SFXN1: variants seen among roughly 807,000 people sequenced by gnomAD.
SFXN1 encodes the protein sideroflexin-1.
Under a neutral mutation model 39.5 loss-of-function variants are expected in SFXN1, and 32 were observed. The ratio of observed to expected loss-of-function variants is 0.81; its 90% CI spans 0.61 to 1.09. The LOEUF is 1.09. SFXN1 is among the 50% of genes least tolerant of loss of function. SFXN1 has a pLI of 0.00. For missense variants in SFXN1, 402 were observed against 407.1 expected, an observed-to-expected ratio of 0.99 and a Z score of 0.11; for synonymous variants, 136 against 146.5, an observed-to-expected ratio of 0.93 and a Z score of 0.52.
intron 1 of SFXN1, among the ~76,000 whole-genome samples, chr5:175,485,762 G>C (rs267389): frequency 0.56 from 85,538 of 151,992 alleles, 24,467 homozygotes; most frequent in Non-Finnish European, 0.61. Flanking sequence ...GGCGCTTCCA[G>C]TGCCAGGATT....
intron 2 of SFXN1, among the ~76,000 whole-genome samples, chr5:175,504,178 G>A (rs1177979646): frequency 2.0e-5 from 3 of 152,074 alleles, no homozygotes; most frequent in East Asian, 3.9e-4. Flanking sequence ...TTAACTGTTC[G>A]AAGTTTCCAA....
Position 175,513,482 on chromosome 5 carries a change from C to T in SFXN1, c.616C>T (p.Pro206Ser), listed in dbSNP as rs1398538116. ...CTGCAGGGAACTCAAAGTTGGCATTCCCGTCACGGATGAGAATGGGAACCG... is the reference window on the plus strand; with the variant it reads ...CTGCAGGGAACTCAAAGTTGGCATTTCCGTCACGGATGAGAATGGGAACCG... ...MRQRELKVGI[P>S]VTDENGNRLG... Residue 206 changes from proline to serine, a missense_variant, in exon 7 of 11, where the codon CCC (proline) becomes TCC (serine). Coordinates refer to ENST00000321442, the MANE Select transcript of SFXN1 (RefSeq NM_022754.7). The T allele has an allele frequency of 6.2e-7, 1 of 1,613,688 alleles. No homozygotes were observed. The highest frequency in any genetic ancestry group is 8.5e-7 in the Non-Finnish European group (1 of 1,179,896).
intron 2 of SFXN1, among the ~76,000 whole-genome samples, chr5:175,495,372 G>T (rs1414484180): frequency 2.0e-5 from 3 of 152,194 alleles, no homozygotes; most frequent in Non-Finnish European, 1.5e-5. Context: ...TCTAGACATG[G>T]ATAGTGGTGA....
rs139798269 is a variant in SFXN1 at position 175,524,388 on chromosome 5, A to G, written c.872+1966A>G. On this transcript the variant is annotated intron_variant, in intron 10 of 10. Transcript: ENST00000321442. ...TTATTCAGTGTCAGAACTAAGATTC[A>G]TCTACATTATTGTGTGTACCTATAG... Among the ~76,000 whole-genome samples the G allele has an allele frequency of 2.6e-3, 389 of 151,632 alleles. 1 individual carries two copies. Among genetic ancestry groups the G allele is most frequent in the African/African-American group, 9.0e-3 (374 of 41,476 alleles).
rs1386127734 is a variant in SFXN1, at chr5:175,513,511, G to A, written c.645G>A (p.Leu215=). The A allele has an allele frequency of 1.2e-6, 2 of 1,613,792 alleles. No individual in the cohort carries two copies. Among genetic ancestry groups the A allele is most frequent in the African/African-American group, 1.3e-5 (1 of 74,884 alleles). The change falls in exon 7 of 11, where the codon TTG becomes TTA. Residue 215 remains leucine, a synonymous_variant. Transcript: ENST00000321442. The stretch of plus-strand genomic sequence containing the variant: ...TCACGGATGAGAATGGGAACCGCTT[G>A]GGGGAGTCGGCGAACGCTGCGAAAC... The part of the protein sequence containing the change: ...IPVTDENGNR[L]GESANAAKQA...
chr5:175,513,512 G>C lies in SFXN1; in HGVS notation c.646G>C (p.Gly216Arg), dbSNP rs138497198. The change falls in exon 7 of 11, where the codon GGG becomes CGG. Residue 216 changes from glycine (G) to arginine (R), a missense_variant. By Grantham distance (125) the Gly-to-Arg change is moderately radical (BLOSUM62 -2). Transcript: ENST00000321442. ...CACGGATGAGAATGGGAACCGCTTG[G>C]GGGAGTCGGCGAACGCTGCGAAACA... ...PVTDENGNRL[G>R]ESANAAKQAI... is the part of the protein sequence containing the mutation. 1.2e-5 allele frequency: 19 copies of C among 1,613,814 alleles called. No individual in the cohort carries two copies. The Admixed American group carries it at 3.2e-4, about 27-fold the overall frequency.
At chr5:175,508,291 T>C (rs1465812641) in intron 2 of SFXN1, among the ~76,000 whole-genome samples, 3 of 146,450 alleles carry the variant, frequency 2.0e-5, no homozygotes, top group African/African-American at 7.6e-5. Flanking sequence ...AGTGGTATGA[T>C]GACTGCTCAC....
At chr5:175,487,246 G>A (rs545782048) in intron 1 of SFXN1, among the ~76,000 whole-genome samples, 2 of 152,308 alleles carry the variant, frequency 1.3e-5, no homozygotes, top group East Asian at 1.9e-4. Flanking sequence ...AAGGAGGATA[G>A]TATTTGTCTT....
At chr5:175,511,411 A>T in intron 4 of SFXN1, 40 bp from the exon 5 acceptor site, 1 of 1,495,730 alleles carries the variant, frequency 6.7e-7, no homozygotes, top group Non-Finnish European at 9.3e-7. Flanking sequence ...GTTTCCTGAC[A>T]TGCCCTCGTC....
chr5:175,517,790 G>T (rs940914761), intron 8 of SFXN1, among the ~76,000 whole-genome samples: 1 of 152,030 alleles, frequency 6.6e-6, no homozygotes, highest in South Asian at 2.1e-4. Flanking sequence ...TGCCTCTTCC[G>T]CAAAGGCTGA....
At chr5:175,492,388 CAAAA>C (rs11318563) in intron 2 of SFXN1, 121 bp downstream of exon 2, 134 of 635,692 alleles carry the variant, frequency 2.1e-4, no homozygotes, top group Middle Eastern at 4.6e-4. Flanking sequence ...TTCTTTTGAC[CAAAA>C]AAAAAAAAAG....
At chr5:175,505,096 A>G (rs1403582962) in intron 2 of SFXN1, among the ~76,000 whole-genome samples, 1 of 152,198 alleles carries the variant, frequency 6.6e-6, no homozygotes, top group Non-Finnish European at 1.5e-5. Context: ...CAATGATGAA[A>G]ACATTTGGAA....
intron 2 of SFXN1, among the ~76,000 whole-genome samples, chr5:175,499,154 C>T (rs543520520): frequency 1.4e-3 from 214 of 152,044 alleles, no homozygotes; most frequent in African/African-American, 5.0e-3. Flanking sequence ...ACTCGGGAGG[C>T]TGAGGCAGGA....
intron 3 of SFXN1, among the ~76,000 whole-genome samples, chr5:175,509,769 C>T (rs1760446692): frequency 6.6e-6 from 1 of 152,144 alleles, no homozygotes; most frequent in African/African-American, 2.4e-5. Flanking sequence ...TAGGAGGGCC[C>T]AGGACCGCTT....
chr5:175,500,403 AACACACACACACACACACACAC>A lies in SFXN1; in HGVS notation c.164+8166_164+8187del, dbSNP rs4008099. On this transcript the variant is annotated intron_variant, in intron 2 of 10. Coordinates refer to ENST00000321442, the MANE Select transcript of SFXN1 (RefSeq NM_022754.7). ...AAAATATATAAAATGCCTGTACACC[AACACACACACACACACACACAC>A]ACACACACACACACACACACACACA... is the stretch of plus-strand genomic sequence containing the variant. Among the ~76,000 whole-genome samples, 651 of 127,290 alleles carry A rather than the reference AACACACACACACACACACACAC, an allele frequency of 5.1e-3. 4 individuals carry two copies. The highest frequency in any genetic ancestry group is 7.1e-3 in the African/African-American group (252 of 35,390). The allele number at this position is 127,290 out of a possible 152,430, so 83.5% of individuals were successfully genotyped here.
chr5:175,509,052 G>C lies in SFXN1; in HGVS notation c.185G>C (p.Gly62Ala). The change falls in exon 3 of 11, where the codon GGT becomes GCT. Residue 62 changes from glycine (G) to alanine (A), a missense_variant. Transcript: ENST00000321442. ...CTTAGGCAAGGAATTGTTCCTCCTG[G>C]TCTTACAGAAAATGAATTGTGGAGA... ...HDYRQGIVPP[G>A]LTENELWRAK... The C allele has an allele frequency of 6.2e-7, 1 of 1,609,416 alleles. No homozygotes were observed. Among genetic ancestry groups the C allele is most frequent in the South Asian group, 1.1e-5 (1 of 90,106 alleles).
chr5:175,510,420 C>G (rs769734524), intron 4 of SFXN1: 11 of 516,872 alleles, frequency 2.1e-5, no homozygotes, highest in Non-Finnish European at 3.5e-5. Context: ...TCCAGCCTGC[C>G]TTCTCAGACA....
chr5:175,508,316 C>T (rs973373599), intron 2 of SFXN1, among the ~76,000 whole-genome samples: 1 of 149,734 alleles, frequency 6.7e-6, no homozygotes, highest in Non-Finnish European at 1.5e-5. Flanking sequence ...GCCTCAACCT[C>T]CCGGGCTCAA....
At chr5:175,481,313 T>A (rs1759239688) in intron 1 of SFXN1, among the ~76,000 whole-genome samples, 1 of 152,088 alleles carries the variant, frequency 6.6e-6, no homozygotes, top group Admixed American at 6.5e-5. Context: ...CGTGTTTTTG[T>A]TTTTTGTTGT....
Sources: gnomAD v4.1 joint callset for allele counts (sites outside exome capture counted in the v4.1 genomes callset) on GRCh38, gnomAD v4.1.1 for gene constraint, MANE v1.5 for transcripts, NCBI Gene and HGNC (gene_info 2026-07-23, HGNC 2026-07-21) for gene names.